ZNF469: variants seen among roughly 807,000 people sequenced by gnomAD.
The protein encoded by ZNF469 is zinc finger protein 469.
A neutral mutation model predicts 1.0 loss-of-function variants in ZNF469; 1 was observed. The observed-to-expected ratio is 1.00, with a 90% CI of 0.35 to 4.73. ZNF469 has a LOEUF of 4.73. Ranked by LOEUF, ZNF469 falls within the 30% of genes most tolerant of loss-of-function variation. The pLI, the probability that ZNF469 is intolerant of heterozygous loss-of-function variation, is 0.16. For missense variants in ZNF469, 6,100 were observed against 5,356.3 expected, an observed-to-expected ratio of 1.14 and a Z score of -4.33; for synonymous variants, 2,703 against 2,363.4, an observed-to-expected ratio of 1.14 and a Z score of -4.17.
chr16:88,243,949 T>TATATATATATATATA, the ZNF469 span, among the ~76,000 whole-genome samples: 1 of 94,240 alleles, frequency 1.1e-5, no homozygotes, highest in Non-Finnish European at 2.3e-5. Context: ...TATATATATA[T>TATATATATATATATA]ATAAATGTAT....
rs1277398984 is a variant in ZNF469 at position 88,430,632 on chromosome 16, C to T, written c.3162C>T (p.Ile1054=). The change falls in exon 3 of 3, where the codon ATC becomes ATT. Residue 1054 remains isoleucine, a synonymous_variant. Transcript: ENST00000565624. ...GGGGCAAGGAGCTCATTCTGAAGAT[C>T]GTGCAGCAGAAGAACAGGCGCCACC... ...GAWGKELILK[I]VQQKNRRHRR... The T allele has an allele frequency of 6.7e-7, 1 of 1,499,044 alleles. No individual in the cohort carries two copies. Among genetic ancestry groups the T allele is most frequent in the Non-Finnish European group, 8.9e-7 (1 of 1,129,658 alleles). The allele number at this position is 1,499,044 out of a possible 1,614,324, so 92.9% of individuals were successfully genotyped here.
At chr16:88,190,207 C>T in the ZNF469 span, among the ~76,000 whole-genome samples, 1 of 152,152 alleles carries the variant, frequency 6.6e-6, no homozygotes, top group Non-Finnish European at 1.5e-5. Flanking sequence ...TTTTTCCTGG[C>T]CCAAAATGTT....
chr16:88,292,191 G>T, the ZNF469 span, among the ~76,000 whole-genome samples: 1 of 152,202 alleles, frequency 6.6e-6, no homozygotes, highest in African/African-American at 2.4e-5. Flanking sequence ...ACCTGCAGTG[G>T]GTGGGTGCTG....
the ZNF469 span, among the ~76,000 whole-genome samples, chr16:88,359,575 T>A: frequency 6.6e-6 from 1 of 152,264 alleles, no homozygotes; most frequent in Admixed American, 6.5e-5. Flanking sequence ...ATAGCCTTTT[T>A]TTGTGAAGTG....
At chr16:88,329,461 C>T in the ZNF469 span, among the ~76,000 whole-genome samples, 1 of 152,226 alleles carries the variant, frequency 6.6e-6, no homozygotes, top group Admixed American at 6.5e-5. Flanking sequence ...CAAGCAGGGG[C>T]TGGGGGCTGC....
rs572830358 is a variant in ZNF469 at position 88,428,867 on chromosome 16, G to C, written c.1397G>C (p.Gly466Ala). 38 of 1,548,522 alleles carry C rather than the reference G, an allele frequency of 2.5e-5. 2 individuals are homozygous for C. The African/African-American group carries it at 3.1e-4, about 13-fold the overall frequency. The part of the protein sequence containing the change: ...LAATRSMFFN[G>A]QPSPGQRLCL... The stretch of plus-strand genomic sequence containing the variant: ...GCCACCAGGAGTATGTTCTTTAACG[G>C]CCAGCCCAGCCCAGGCCAGCGGCTC... Residue 466 changes from glycine to alanine, a missense_variant, in exon 3 of 3, where the codon GGC (glycine) becomes GCC (alanine). Coordinates refer to ENST00000565624, the MANE Select transcript of ZNF469 (RefSeq NM_001367624.2).
the ZNF469 span, among the ~76,000 whole-genome samples, chr16:88,105,904 C>G: frequency 2.0e-5 from 3 of 152,244 alleles, no homozygotes; most frequent in Admixed American, 2.0e-4. Flanking sequence ...ACTCACACCA[C>G]CTTGTGTGTG....
the ZNF469 span, among the ~76,000 whole-genome samples, chr16:88,324,131 C>T: frequency 7.9e-5 from 12 of 152,208 alleles, no homozygotes; most frequent in Non-Finnish European, 1.5e-4. Context: ...CTGTGGTCAG[C>T]GCCTCCCCAC....
At chr16:88,272,927 C>T in the ZNF469 span, among the ~76,000 whole-genome samples, 8 of 133,924 alleles carry the variant, frequency 6.0e-5, no homozygotes, top group South Asian at 2.5e-4. Context: ...TGTGGATAGA[C>T]GAGTGGACGG....
chr16:88,144,791 G>A, the ZNF469 span, among the ~76,000 whole-genome samples: 51 of 152,120 alleles, frequency 3.4e-4, no homozygotes, highest in African/African-American at 1.1e-3. Context: ...TTTGCTAGAC[G>A]TGTCCATATT....
the ZNF469 span, among the ~76,000 whole-genome samples, chr16:88,342,915 C>T: frequency 6.6e-6 from 1 of 152,248 alleles, no homozygotes; most frequent in Non-Finnish European, 1.5e-5. Context: ...GGAGGTAACC[C>T]TCCCTCACCT....
At chr16:88,269,386 C>T in the ZNF469 span, among the ~76,000 whole-genome samples, 34 of 152,102 alleles carry the variant, frequency 2.2e-4, no homozygotes, top group Non-Finnish European at 3.8e-4. Flanking sequence ...TGCACCCTGG[C>T]GGCCGGGCCT....
At chr16:88,127,661 G>C in the ZNF469 span, among the ~76,000 whole-genome samples, 3 of 152,180 alleles carry the variant, frequency 2.0e-5, no homozygotes, top group South Asian at 6.2e-4. Context: ...GCCTGGGGCT[G>C]CCCTGTCTCA....
At chr16:88,273,804 A>ATTTTT in the ZNF469 span, among the ~76,000 whole-genome samples, 419 of 135,196 alleles carry the variant, frequency 3.1e-3, 7 homozygotes, top group Middle Eastern at 7.8e-3. Context: ...ACTGTGGAAT[A>ATTTTT]TTTTTTTTTT....
At chr16:88,291,955 G>A in the ZNF469 span, among the ~76,000 whole-genome samples, 5 of 152,178 alleles carry the variant, frequency 3.3e-5, no homozygotes, top group Admixed American at 6.5e-5. Flanking sequence ...ATGGCTGCTG[G>A]CTGCCCAGGG....
upstream of ZNF469, among the ~76,000 whole-genome samples, chr16:88,380,473 TCA>T (rs1226581338): frequency 2.6e-4 from 27 of 102,170 alleles, no homozygotes; most frequent in South Asian, 1.0e-3. Flanking sequence ...ACACATGCAC[TCA>T]CACATACGTG....
At chr16:88,249,878 T>G in the ZNF469 span, among the ~76,000 whole-genome samples, 1 of 152,218 alleles carries the variant, frequency 6.6e-6, no homozygotes, top group Non-Finnish European at 1.5e-5. Flanking sequence ...GACCTGCTTC[T>G]AGATCATGTG....
In ZNF469 at chr16:88,434,690, G is replaced by A. The variant is rs1431619342; in HGVS notation, c.7220G>A (p.Arg2407Lys). 1.3e-6 allele frequency: 2 copies of A among 1,550,398 alleles called. No homozygotes were observed. Among genetic ancestry groups the A allele is most frequent in the South Asian group, 2.4e-5 (2 of 84,058 alleles). ...CCTTCCACAGGACTGGGCTTGGGAA[G>A]AACCACAGCCCCAAGCAGCACAGCC... Reference protein sequence around the residue: ...TCPSTGLGLGRTTAPSSTASD... With the variant: ...TCPSTGLGLGKTTAPSSTASD... Residue 2407 changes from arginine to lysine, a missense_variant, in exon 3 of 3, where the codon AGA becomes AAA. Physicochemically the swap from Arg to Lys is conservative, Grantham distance 26 (BLOSUM62 2). Coordinates refer to ENST00000565624, the MANE Select transcript of ZNF469 (RefSeq NM_001367624.2).
chr16:88,354,064 G>A, the ZNF469 span, among the ~76,000 whole-genome samples: 1 of 152,190 alleles, frequency 6.6e-6, no homozygotes, highest in Non-Finnish European at 1.5e-5. Context: ...GCCAGGCTGT[G>A]GCTGCAACCT....
Sources: allele counts gnomAD v4.1 joint callset (sites outside exome capture counted in the v4.1 genomes callset), GRCh38; gene constraint gnomAD v4.1.1; transcripts MANE v1.5; gene names NCBI Gene and HGNC (gene_info 2026-07-23, HGNC 2026-07-21).